Variants in TTN observed in about 807,000 individuals in gnomAD.
The protein encoded by TTN is titin, also known as connectin.
Under a neutral mutation model 3,223.0 loss-of-function variants are expected in TTN, and 1,525 were observed. The ratio of observed to expected loss-of-function variants is 0.47; its 90% confidence interval spans 0.45 to 0.49. The LOEUF is 0.49. Among genes scored for constraint, TTN ranks in the 20% least tolerant of loss-of-function variants. The pLI is 0.00. For synonymous variants in TTN, 14,094 were observed against 15,161.0 expected (o/e 0.93, Z 5.17); for missense variants, 40,786 against 43,424.0 (o/e 0.94, Z 5.40).
In TTN at chr2:178,618,452, G is replaced by A. The variant is rs773039098; in HGVS notation, c.47006C>T (p.Thr15669Ile). 42 of 1,612,312 alleles carry A rather than the reference G, an allele frequency of 2.6e-5. No homozygotes were observed. The highest frequency in any genetic ancestry group is 3.4e-5 in the Non-Finnish European group (40 of 1,179,100). The change falls in exon 252 of 363, where the codon ACA (threonine) becomes ATA (isoleucine). Residue 15669 changes from threonine (T) to isoleucine (I), a missense_variant. By Grantham distance (89) the Thr-to-Ile change is moderately conservative. Transcript: ENST00000589042. ...AGCAAGGCTCACTTCACCATCAAATGTTTCTGTCACTTCTAAGTTACGTAC... is the reference window on the plus strand; with the variant it reads ...AGCAAGGCTCACTTCACCATCAAATATTTCTGTCACTTCTAAGTTACGTAC... ...GPVRNLEVTE[T>I]FDGEVSLAWE... is the part of the protein sequence containing the mutation.
In TTN at chr2:178,547,499, T is replaced by C; in HGVS notation, c.94127A>G (p.Tyr31376Cys). 1 of 1,613,406 alleles carries C rather than the reference T, an allele frequency of 6.2e-7. No individual in the cohort carries two copies. The highest frequency in any genetic ancestry group is 8.5e-7 in the Non-Finnish European group (1 of 1,179,662). ...TQIKVTHLTKYMEYSFRVSSE... is the reference protein window; with the variant it reads ...TQIKVTHLTKCMEYSFRVSSE... ...ACTGACACGGAAAGAATATTCCATG[T>C]ATTTTGTGAGATGAGTGACTTTAAT... The change falls in exon 339 of 363, where the codon TAC (tyrosine) becomes TGC (cysteine). Residue 31376 changes from tyrosine to cysteine, a missense_variant. Physicochemically the swap from Tyr to Cys is radical, Grantham distance 194. Coordinates refer to ENST00000589042, the MANE Select transcript of TTN (RefSeq NM_001267550.2).
At chr2:178,716,799 C>T (rs147771619) in intron 88 of TTN, among the ~76,000 whole-genome samples, 1 of 152,240 alleles carries the variant, frequency 6.6e-6, no homozygotes, top group Non-Finnish European at 1.5e-5. Context: ...CCTATGATAC[C>T]GTCTTTCAAA....
In TTN at chr2:178,678,291, T is replaced by C. The variant is rs1328074756; in HGVS notation, c.33911-83A>G. ...AGATATGAAAAAGAATCACAAAATA[T>C]CTGACATATTTCTAACCAGATAGAC... On this transcript the variant is annotated intron_variant, in intron 144 of 362. Transcript: ENST00000589042. 2.6e-6 allele frequency: 4 copies of C among 1,525,208 alleles called. No homozygotes were observed. The Admixed American group carries it at 8.0e-5, about 31-fold the overall frequency. The allele number at this position is 1,525,208 out of a possible 1,614,324, so 94.5% of individuals were successfully genotyped here.
Position 178,718,606 on chromosome 2 carries a change from AG to A in TTN, c.24506-7del. On this transcript the variant is annotated splice_polypyrimidine_tract_variant and splice_region_variant and intron_variant, in intron 84 of 362. Coordinates refer to ENST00000589042, the MANE Select transcript of TTN (RefSeq NM_001267550.2). Reference sequence around the variant, plus strand: ...TTTCACAAAGGTGGCTGGTTCTATAAGGAGAAAACATGTGGGTAAAATTCTT... The same window carrying A: ...TTTCACAAAGGTGGCTGGTTCTATAAGAGAAAACATGTGGGTAAAATTCTT... The A allele has an allele frequency of 6.2e-7, 1 of 1,607,892 alleles. No homozygotes were observed. Among genetic ancestry groups the A allele is most frequent in the Non-Finnish European group, 8.5e-7 (1 of 1,176,544 alleles).
intron 308 of TTN, among the ~76,000 whole-genome samples, chr2:178,585,763 T>C (rs2048810521): frequency 6.6e-6 from 1 of 152,108 alleles, no homozygotes; most frequent in South Asian, 2.1e-4. Context: ...GCAAAGGACA[T>C]GAACTCATCC....
At chr2:178,627,251 CAAAG>C (rs2059187478) in intron 240 of TTN, among the ~76,000 whole-genome samples, 1 of 151,868 alleles carries the variant, frequency 6.6e-6, no homozygotes, top group Non-Finnish European at 1.5e-5. Flanking sequence ...ACTACAACAA[CAAAG>C]AAAAAATGCA....
In TTN at chr2:178,720,639, G is replaced by A; in HGVS notation, c.23123C>T (p.Pro7708Leu). 2 of 1,599,130 alleles carry A rather than the reference G, an allele frequency of 1.3e-6. No individual in the cohort carries two copies. The highest frequency in any genetic ancestry group is 1.7e-6 in the Non-Finnish European group (2 of 1,174,082). Residue 7708 changes from proline to leucine, a missense_variant, in exon 80 of 363, where the codon CCT becomes CTT. Physicochemically the swap from Pro to Leu is moderately conservative, Grantham distance 98. Transcript: ENST00000589042. Reference sequence around the variant, plus strand: ...ACCTTTAAGAGCTCCTACTGGAGAAGGCTTCTGGGTGAAAACAGGAGGTGC... The same window carrying A: ...ACCTTTAAGAGCTCCTACTGGAGAAAGCTTCTGGGTGAAAACAGGAGGTGC... ...VKAPPVFTQK[P>L]SPVGALKGSD...
intron 213 of TTN, among the ~76,000 whole-genome samples, chr2:178,647,895 A>G (rs115257827): frequency 1.9e-4 from 29 of 152,218 alleles, no homozygotes; most frequent in African/African-American, 7.0e-4. Context: ...CAGAGACCCA[A>G]TGAACCATTC....
At position 178,533,090 on chromosome 2, in the gene TTN, G is replaced by A; in HGVS notation, c.103525C>T (p.Leu34509Phe). 6.2e-7 allele frequency: 1 copy of A among 1,613,876 alleles called. No homozygotes were observed. Among genetic ancestry groups the A allele is most frequent in the Non-Finnish European group, 8.5e-7 (1 of 1,179,860 alleles). ...AKEALREAAV[L>F]YKPAVSTKTV... The stretch of plus-strand genomic sequence containing the variant: ...TTGGTGCTTACAGCCGGTTTATAAA[G>A]GACAGCAGCTTCTCTCAGAGCCTCT... Residue 34509 changes from leucine to phenylalanine, a missense_variant, in exon 358 of 363, where the codon CTT becomes TTT. Transcript: ENST00000589042.
At position 178,635,643 on chromosome 2, in the gene TTN, G is replaced by A. The variant is rs1409834949; in HGVS notation, c.41681C>T (p.Ala13894Val). 6.3e-7 allele frequency: 1 copy of A among 1,597,910 alleles called. No homozygotes were observed. The highest frequency in any genetic ancestry group is 8.5e-7 in the Non-Finnish European group (1 of 1,171,546). ...HVKPKGTAIF[A>V]CDIAKDTPNI... ...TGGAGTATCTTTTGCTATATCACAGGCAAAAATAGCTGTCCCCTTGGGTTT... is the reference window on the plus strand; with the variant it reads ...TGGAGTATCTTTTGCTATATCACAGACAAAAATAGCTGTCCCCTTGGGTTT... Residue 13894 changes from alanine to valine, a missense_variant, in exon 227 of 363, where the codon GCC becomes GTC. By Grantham distance (64) the Ala-to-Val change is moderately conservative. Coordinates refer to ENST00000589042, the MANE Select transcript of TTN (RefSeq NM_001267550.2).
At position 178,618,317 on chromosome 2, in the gene TTN, C is replaced by G; in HGVS notation, c.47141G>C (p.Cys15714Ser). The G allele has an allele frequency of 6.2e-7, 1 of 1,612,690 alleles. No homozygotes were observed. Among genetic ancestry groups the G allele is most frequent in the Non-Finnish European group, 8.5e-7 (1 of 1,179,128 alleles). The change falls in exon 252 of 363, where the codon TGT becomes TCT. Residue 15714 changes from cysteine to serine, a missense_variant. Cys to Ser is a moderately radical substitution (Grantham distance 112). Coordinates refer to ENST00000589042, the MANE Select transcript of TTN (RefSeq NM_001267550.2). ...WVLATDRAES[C>S]EFTVTGLQKG... ...CTGTAGACCAGTGACAGTAAACTCA[C>G]AACTCTCTGCACGGTCTGTGGCCAG...
chr2:178,550,642 A>G, intron 336 of TTN: 1 of 418,170 alleles, frequency 2.4e-6, no homozygotes, highest in Admixed American at 4.3e-5. Flanking sequence ...TGTATGTTGT[A>G]TTTTAATAAC....
intron 307 of TTN, 77 bp from the exon 308 acceptor site, chr2:178,586,884 T>C: frequency 1.9e-6 from 3 of 1,547,630 alleles, no homozygotes; most frequent in Non-Finnish European, 2.6e-6. Flanking sequence ...ATAAGAGTTT[T>C]AGTATGGATT....
chr2:178,549,870 C>A lies in TTN; in HGVS notation c.91853-1G>T. On this transcript the variant is annotated splice_acceptor_variant, in intron 337 of 362. Transcript: ENST00000589042. LOFTEE classifies it high-confidence loss of function. ...GGCCCAACTACTTTTCCTGGTGTAT[C>A]TATAAGAAAAAGTTTCTAGAGTTAG... The A allele has an allele frequency of 6.5e-7, 1 of 1,548,690 alleles. No homozygotes were observed. The highest frequency in any genetic ancestry group is 2.1e-5 in the Admixed American group (1 of 48,276).
At chr2:178,763,459 A>G (rs1335724514) in intron 43 of TTN, among the ~76,000 whole-genome samples, 3 of 152,206 alleles carry the variant, frequency 2.0e-5, no homozygotes, top group Non-Finnish European at 1.5e-5. Flanking sequence ...AGTATCTACT[A>G]TGTATCAGGT....
In TTN at chr2:178,536,944, G is replaced by A; in HGVS notation, c.100165C>T (p.Pro33389Ser). 1 of 1,601,790 alleles carries A rather than the reference G, an allele frequency of 6.2e-7. No individual in the cohort carries two copies. The highest frequency in any genetic ancestry group is 8.5e-7 in the Non-Finnish European group (1 of 1,171,250). ...EVSSVVIIKS[P>S]FEKPGAPGKP... is the part of the protein sequence containing the mutation. ...GAAATCAAGTTGTACTCACCAAATG[G>A]ACTCTTAATGATCACAACTGAGGAC... Residue 33389 changes from proline to serine, a missense_variant, in exon 356 of 363, where the codon CCA becomes TCA. Physicochemically the swap from Pro to Ser is moderately conservative, Grantham distance 74. Transcript: ENST00000589042.
At chr2:178,632,474 C>G in intron 235 of TTN, 52 bp downstream of exon 235, 1 of 1,588,948 alleles carries the variant, frequency 6.3e-7, no homozygotes, top group South Asian at 1.2e-5. Flanking sequence ...AAATATAAAA[C>G]TAAAGGCAAA....
intron 328 of TTN, 33 bp downstream of exon 328, chr2:178,557,615 A>G (rs763765755): frequency 7.4e-6 from 12 of 1,612,616 alleles, no homozygotes; most frequent in Middle Eastern, 1.7e-4. Context: ...TGGTAAAAGA[A>G]AACCTGGATC....
intron 336 of TTN, chr2:178,550,747 G>T (rs1699113676): frequency 1.8e-6 from 1 of 551,792 alleles, no homozygotes; most frequent in African/African-American, 1.9e-5. Context: ...CCCACTTGCT[G>T]CATGCTCTTT....
Sources: allele counts gnomAD v4.1 joint callset (sites outside exome capture counted in the v4.1 genomes callset), GRCh38; gene constraint gnomAD v4.1.1; transcripts MANE v1.5; gene names NCBI Gene and HGNC (gene_info 2026-07-23, HGNC 2026-07-21).